Variants in FGF14 observed in about 807,000 individuals in gnomAD.
FGF14 encodes the protein fibroblast growth factor homologous factor 4.
In FGF14, 5 loss-of-function variants were observed where a neutral mutation model predicts 25.5. The observed-to-expected ratio is 0.20, with a 90% CI of 0.10 to 0.41. The LOEUF is 0.41. FGF14 is among the 10% of genes least tolerant of loss of function. The pLI is 1.00. For synonymous variants in FGF14, 138 were observed against 118.3 expected (o/e 1.17, Z -1.08); for missense variants, 222 against 320.1 (o/e 0.69, Z 2.34).
chr13:102,021,012 T>C (rs1340036368), intron 1 of FGF14, among the ~76,000 whole-genome samples: 1 of 151,598 alleles, frequency 6.6e-6, no homozygotes, highest in African/African-American at 2.4e-5. Flanking sequence ...GTACAAGGTA[T>C]TTGATTAGTG....
At chr13:102,161,671 A>T (rs1396807057) in intron 1 of FGF14, among the ~76,000 whole-genome samples, 9,798 of 55,710 alleles carry the variant, frequency 0.18, 986 homozygotes, top group East Asian at 0.29. Flanking sequence ...GAAGAAGAAG[A>T]AGAAGAAGAA....
intron 1 of FGF14, among the ~76,000 whole-genome samples, chr13:102,355,542 C>T (rs982474588): frequency 5.3e-5 from 8 of 150,020 alleles, no homozygotes; most frequent in African/African-American, 2.0e-4. Flanking sequence ...TGCCTTAGGA[C>T]AGTGGAAACT....
intron 1 of FGF14, among the ~76,000 whole-genome samples, chr13:102,058,641 T>A (rs1344128556): frequency 6.6e-6 from 1 of 152,192 alleles, no homozygotes; most frequent in African/African-American, 2.4e-5. Flanking sequence ...TCATCCCCAA[T>A]AAATACTCAC....
At chr13:102,036,659 CAGAAGGAGG>C (rs2041489187) in intron 1 of FGF14, among the ~76,000 whole-genome samples, 2 of 151,450 alleles carry the variant, frequency 1.3e-5, no homozygotes, top group Admixed American at 1.3e-4. Context: ...AAAGAGGAAA[CAGAAGGAGG>C]AGGAGAAGAA....
At chr13:101,820,496 C>CA (rs2042060473) in intron 3 of FGF14, among the ~76,000 whole-genome samples, 1 of 151,978 alleles carries the variant, frequency 6.6e-6, no homozygotes, top group Admixed American at 6.6e-5. Context: ...ACGTGTGCAG[C>CA]AAAGTCATAA....
At position 102,254,644 on chromosome 13, in the gene FGF14, TG is replaced by T. The variant is rs1017016814; in HGVS notation, c.208+146826del. ...TCTCAACAGCAGAACTTTTGACATT[TG>T]GGGGGCTAAAGAATTCTGTGATGGG... On this transcript the variant is annotated intron_variant, in intron 1 of 4. Coordinates refer to the FGF14 transcript ENST00000376131. 2.8e-4 allele frequency among the ~76,000 whole-genome samples: 42 copies of T among 152,254 alleles called. 1 individual carries two copies. Among genetic ancestry groups the T allele is most frequent in the Admixed American group, 2.4e-3 (37 of 15,292 alleles).
chr13:102,091,074 C>T (rs2044143363), intron 1 of FGF14, among the ~76,000 whole-genome samples: 1 of 152,028 alleles, frequency 6.6e-6, no homozygotes, highest in African/African-American at 2.4e-5. Flanking sequence ...ACATAAAAGA[C>T]AATAGTAAGA....
At chr13:102,104,431 C>T (rs1205770515) in intron 1 of FGF14, among the ~76,000 whole-genome samples, 1 of 152,182 alleles carries the variant, frequency 6.6e-6, no homozygotes, top group Non-Finnish European at 1.5e-5. Flanking sequence ...CATTTATTTA[C>T]TTATCTTCCG....
intron 1 of FGF14, among the ~76,000 whole-genome samples, chr13:102,341,135 G>GA (rs919822701): frequency 8.5e-5 from 13 of 152,060 alleles, no homozygotes; most frequent in Middle Eastern, 3.4e-3. Context: ...CCTAGCCTGG[G>GA]AAAAAACCCA....
intron 1 of FGF14, among the ~76,000 whole-genome samples, chr13:102,117,906 CAG>C (rs568134932): frequency 6.6e-6 from 1 of 152,124 alleles, no homozygotes; most frequent in South Asian, 2.1e-4. Context: ...GAAAAATGGG[CAG>C]AGAGGCTAGG....
chr13:102,013,884 T>G (rs2040206564), intron 1 of FGF14, among the ~76,000 whole-genome samples: 3 of 152,152 alleles, frequency 2.0e-5, no homozygotes, highest in Non-Finnish European at 4.4e-5. Flanking sequence ...TCTAACAGCT[T>G]GCAAGAGGCA....
chr13:101,890,239 G>C (rs2046199356), intron 1 of FGF14, among the ~76,000 whole-genome samples: 1 of 152,104 alleles, frequency 6.6e-6, no homozygotes, highest in Non-Finnish European at 1.5e-5. Context: ...TTGCTGAGGA[G>C]GTTTGGGTGC....
intron 1 of FGF14, among the ~76,000 whole-genome samples, chr13:102,134,762 TA>T (rs1269962437): frequency 6.6e-6 from 1 of 152,238 alleles, no homozygotes; most frequent in African/African-American, 2.4e-5. Context: ...GTTATCATTT[TA>T]CAAAGTAGCT....
In FGF14 at chr13:101,882,672, C is replaced by T. The variant is rs369740065; in HGVS notation, c.194-7376G>A. ...TGCACATGGCAAGGACTGATCTATT[C>T]ATCCTCCAGAGTTGAGGCTCATATA... On this transcript the variant is annotated intron_variant, in intron 1 of 4. Coordinates refer to ENST00000376143, the MANE Select transcript of FGF14 (RefSeq NM_004115.4). Among the ~76,000 whole-genome samples the T allele has an allele frequency of 7.2e-5, 11 of 152,066 alleles. No homozygotes were observed. The East Asian group carries it at 1.9e-3, about 27-fold the overall frequency.
chr13:101,959,238 G>T (rs576416221), intron 1 of FGF14, among the ~76,000 whole-genome samples: 13 of 152,236 alleles, frequency 8.5e-5, no homozygotes, highest in Non-Finnish European at 1.5e-4. Flanking sequence ...ATGCTCCTCA[G>T]CCACCACTCA....
At position 102,218,412 on chromosome 13, in the gene FGF14, A is replaced by C. The variant is rs190272666; in HGVS notation, c.208+183059T>G. On this transcript the variant is annotated intron_variant, in intron 1 of 4. Transcript: ENST00000376131. ...GCTGGCCATGGGAAATTAGAATTTG[A>C]GGGGAGAGAGCAGTTTTTTGTTTGG... 7.2e-3 allele frequency among the ~76,000 whole-genome samples: 1,093 copies of C among 152,122 alleles called. 6 individuals carry two copies. Among genetic ancestry groups the C allele is most frequent in the Non-Finnish European group, 0.012 (826 of 67,986 alleles).
At chr13:102,225,129 G>A (rs2050776403) in intron 1 of FGF14, among the ~76,000 whole-genome samples, 1 of 152,064 alleles carries the variant, frequency 6.6e-6, no homozygotes, top group Non-Finnish European at 1.5e-5. Context: ...TCCTCCTCCT[G>A]TGAGTTTTGT....
At chr13:102,179,328 T>A (rs1241425776) in intron 1 of FGF14, among the ~76,000 whole-genome samples, 2 of 152,106 alleles carry the variant, frequency 1.3e-5, no homozygotes, top group Non-Finnish European at 2.9e-5. Flanking sequence ...CCTGAACCCC[T>A]CTTCAGTCAC....
chr13:102,000,709 C>T (rs2039447087), intron 1 of FGF14, among the ~76,000 whole-genome samples: 1 of 152,208 alleles, frequency 6.6e-6, no homozygotes, highest in Non-Finnish European at 1.5e-5. Flanking sequence ...TCATCCCTGA[C>T]TCCCATTATC....
Sources: allele counts gnomAD v4.1 joint callset (sites outside exome capture counted in the v4.1 genomes callset), GRCh38; gene constraint gnomAD v4.1.1; transcripts MANE v1.5; gene names NCBI Gene and HGNC (gene_info 2026-07-23, HGNC 2026-07-21).